Variants in CNBD1 observed in about 807,000 individuals in gnomAD.
The protein encoded by CNBD1 is cyclic nucleotide-binding domain-containing protein 1.
Under a neutral mutation model 54.4 loss-of-function variants are expected in CNBD1, and 71 were observed. The ratio of observed to expected loss-of-function variants is 1.30; its 90% CI spans 1.08 to 1.59. The LOEUF (loss-of-function observed/expected upper bound fraction) is 1.59, where lower values mean the gene tolerates loss of function less well. CNBD1 is among the 40% of genes most tolerant of loss of function. The pLI is 0.00. For missense variants in CNBD1, 659 were observed against 518.0 expected (o/e 1.27, Z -2.64); for synonymous variants, 182 against 170.7 (o/e 1.07, Z -0.51).
chr8:86,896,280 G>A (rs1034799011), intron 2 of CNBD1, among the ~76,000 whole-genome samples: 7 of 151,590 alleles, frequency 4.6e-5, no homozygotes, highest in African/African-American at 7.3e-5. Flanking sequence ...CATGTTTGGG[G>A]GTACATGTGA....
intron 8 of CNBD1, among the ~76,000 whole-genome samples, chr8:87,296,513 A>G (rs1211213635): frequency 6.6e-6 from 1 of 152,150 alleles, no homozygotes; most frequent in Non-Finnish European, 1.5e-5. Context: ...GTGAATGGTG[A>G]CATCTTGAGT....
intron 2 of CNBD1, among the ~76,000 whole-genome samples, chr8:86,901,721 C>T (rs1172547882): frequency 1.3e-5 from 2 of 152,176 alleles, no homozygotes. Flanking sequence ...CACCTTGGTC[C>T]TCTGCATCAA....
intron 4 of CNBD1, among the ~76,000 whole-genome samples, chr8:87,156,873 A>G (rs1188093414): frequency 6.6e-6 from 1 of 152,144 alleles, no homozygotes; most frequent in Non-Finnish European, 1.5e-5. Context: ...AATAGAAAAA[A>G]AGGAGAATTC....
intron 4 of CNBD1, among the ~76,000 whole-genome samples, chr8:86,954,977 T>TCCCCCCTCC (rs1807723964): frequency 9.4e-6 from 1 of 106,200 alleles, no homozygotes; most frequent in Non-Finnish European, 1.9e-5. Flanking sequence ...ATGCAATCCC[T>TCCCCCCTCC]CCCCCCTCCC....
At chr8:86,917,935 G>A in intron 3 of CNBD1, among the ~76,000 whole-genome samples, 1 of 152,110 alleles carries the variant, frequency 6.6e-6, no homozygotes, top group Admixed American at 6.6e-5. Context: ...ACCATAAAAT[G>A]GTATTGGAGG....
At chr8:87,409,635 C>G (rs1227842208) in intron 2 of CNBD1, among the ~76,000 whole-genome samples, 1 of 152,162 alleles carries the variant, frequency 6.6e-6, no homozygotes, top group Non-Finnish European at 1.5e-5. Flanking sequence ...AATAGGCAGA[C>G]TCTCCTGTTA....
At chr8:86,910,123 T>C (rs1270136616) in intron 3 of CNBD1, among the ~76,000 whole-genome samples, 1 of 152,148 alleles carries the variant, frequency 6.6e-6, no homozygotes, top group East Asian at 1.9e-4. Flanking sequence ...AGGCTTTTAG[T>C]TGTAATCGAA....
At chr8:87,076,412 C>T (rs918037955) in intron 4 of CNBD1, among the ~76,000 whole-genome samples, 33 of 151,846 alleles carry the variant, frequency 2.2e-4, no homozygotes, top group African/African-American at 8.0e-4. Flanking sequence ...ATTTAGGTCT[C>T]CTAATTGCAA....
chr8:87,416,393 A>C (rs1214082225), intron 2 of CNBD1, among the ~76,000 whole-genome samples: 1 of 152,032 alleles, frequency 6.6e-6, no homozygotes, highest in Non-Finnish European at 1.5e-5. Context: ...TATTCAAGAA[A>C]AGTGGATGAA....
intron 4 of CNBD1, among the ~76,000 whole-genome samples, chr8:87,022,542 T>G (rs11998300): frequency 0.03 from 4,591 of 152,294 alleles, 237 homozygotes; most frequent in African/African-American, 0.1. Flanking sequence ...ATGAAAATAC[T>G]GGAAGCTTTA....
chr8:87,256,831 G>A (rs1225692342), intron 6 of CNBD1, among the ~76,000 whole-genome samples: 1 of 151,352 alleles, frequency 6.6e-6, no homozygotes, highest in Admixed American at 6.6e-5. Flanking sequence ...TGTCAGTTGT[G>A]AGATTATGAA....
rs1809670642 is a variant in CNBD1 at position 87,326,437 on chromosome 8, A to C, written c.1043-25248A>C. 1.6e-5 allele frequency among the ~76,000 whole-genome samples: 2 copies of C among 126,890 alleles called. 1 individual carries two copies. The highest frequency in any genetic ancestry group is 5.7e-5 in the African/African-American group (2 of 34,808). The allele number at this position is 126,890 out of a possible 152,430, so 83.2% of individuals were successfully genotyped here. On this transcript the variant is annotated intron_variant, in intron 8 of 10. Coordinates refer to ENST00000518476, the MANE Select transcript of CNBD1 (RefSeq NM_173538.3). ...TCCATTCTCCCCATCACTTTCAGGT[A>C]CACCAATCAGACATAGATTTGGTCT...
At chr8:87,291,365 A>G (rs533140065) in intron 8 of CNBD1, among the ~76,000 whole-genome samples, 11 of 152,146 alleles carry the variant, frequency 7.2e-5, no homozygotes, top group African/African-American at 2.2e-4. Flanking sequence ...TTCTGGACCA[A>G]TTGAGATTCT....
chr8:87,323,787 C>G lies in CNBD1; in HGVS notation c.1043-27898C>G, dbSNP rs1321136263. ...ACTTCCTCTTTTCCTAATTGAATAC[C>G]CTTTATTTCCTTCTCCTGCCTGATT... On this transcript the variant is annotated intron_variant, in intron 8 of 10. Transcript: ENST00000518476. 9.2e-3 allele frequency among the ~76,000 whole-genome samples: 939 copies of G among 101,780 alleles called. 152 individuals carry two copies. The highest frequency in any genetic ancestry group is 0.027 in the African/African-American group (873 of 31,774). The allele number at this position is 101,780 out of a possible 152,430, so 66.8% of individuals were successfully genotyped here.
chr8:87,200,402 T>C (rs781185910), intron 4 of CNBD1, among the ~76,000 whole-genome samples: 4 of 152,148 alleles, frequency 2.6e-5, no homozygotes, highest in Admixed American at 2.0e-4. Context: ...ATGGAACGAA[T>C]TTTCATAACA....
chr8:87,275,869 G>A (rs1249074378), intron 6 of CNBD1, among the ~76,000 whole-genome samples: 1 of 151,780 alleles, frequency 6.6e-6, no homozygotes, highest in Non-Finnish European at 1.5e-5. Flanking sequence ...AGCAACTTCA[G>A]CAAAGTCTCA....
intron 4 of CNBD1, among the ~76,000 whole-genome samples, chr8:87,136,586 AATTATAT>A (rs1812233303): frequency 1.3e-5 from 1 of 76,508 alleles, no homozygotes; most frequent in Non-Finnish European, 2.3e-5. Flanking sequence ...ATTATATATA[AATTATAT>A]ATTATATTTA....
chr8:87,089,263 G>A (rs1004878193), intron 4 of CNBD1, among the ~76,000 whole-genome samples: 1 of 152,064 alleles, frequency 6.6e-6, no homozygotes, highest in South Asian at 2.1e-4. Context: ...GTTATTAAAA[G>A]TATGAGCTTG....
intron 5 of CNBD1, among the ~76,000 whole-genome samples, chr8:87,210,745 A>G (rs1814079585): frequency 1.3e-5 from 2 of 152,206 alleles, no homozygotes; most frequent in African/African-American, 2.4e-5. Flanking sequence ...CAATGGGTGT[A>G]TGAGAAAACC....
Sources: gnomAD v4.1 joint callset for allele counts (sites outside exome capture counted in the v4.1 genomes callset) on GRCh38, gnomAD v4.1.1 for gene constraint, MANE v1.5 for transcripts, NCBI Gene and HGNC (gene_info 2026-07-23, HGNC 2026-07-21) for gene names.